Variants in TSPAN9 observed in about 807,000 individuals in gnomAD.
TSPAN9 encodes the protein tetraspanin-9.
In TSPAN9, 16 loss-of-function variants were observed where a neutral mutation model predicts 31.0. That is an observed-to-expected ratio of 0.52 (90% CI 0.35 to 0.78). The LOEUF is 0.78. Ranked by LOEUF, TSPAN9 falls within the 30% of genes least tolerant of loss-of-function variation. The probability of loss-of-function intolerance (pLI) is 0.01; values close to 1 mark genes in which losing one functional copy is unlikely to be tolerated. For synonymous variants in TSPAN9, 145 were observed against 121.6 expected (o/e 1.19, Z -1.27); for missense variants, 272 against 312.5 (o/e 0.87, Z 0.98).
chr12:3,118,256 GTTTTTTTTTTT>G (rs72307230), intron 2 of TSPAN9, among the ~76,000 whole-genome samples: 6 of 31,582 alleles, frequency 1.9e-4, no homozygotes, highest in African/African-American at 3.5e-4. Flanking sequence ...TGCACCCGCC[GTTTTTTTTTTT>G]TTTTTTTTTT....
chr12:3,116,298 A>T (rs1463005256), intron 2 of TSPAN9, among the ~76,000 whole-genome samples: 4 of 152,174 alleles, frequency 2.6e-5, no homozygotes, highest in African/African-American at 9.7e-5. Context: ...TGCTGCCTGG[A>T]CATTTGACCT....
intron 2 of TSPAN9, among the ~76,000 whole-genome samples, chr12:3,141,381 C>T (rs59604046): frequency 2.1e-4 from 32 of 152,270 alleles, no homozygotes; most frequent in African/African-American, 7.2e-4. Context: ...GTCTCCCAGC[C>T]TGGTGGTGAT....
intron 2 of TSPAN9, among the ~76,000 whole-genome samples, chr12:3,160,326 GT>G (rs1223550139): frequency 6.6e-6 from 1 of 152,098 alleles, no homozygotes; most frequent in East Asian, 1.9e-4. Flanking sequence ...GGTATGCTAC[GT>G]TTTGTTTATC....
At chr12:3,139,948 C>T (rs568043688) in intron 2 of TSPAN9, among the ~76,000 whole-genome samples, 16 of 152,354 alleles carry the variant, frequency 1.1e-4, no homozygotes, top group African/African-American at 3.8e-4. Context: ...TCCCCAGGAG[C>T]ATGGCAACCA....
At chr12:3,206,925 G>A (rs192352916) in intron 3 of TSPAN9, among the ~76,000 whole-genome samples, 5 of 152,300 alleles carry the variant, frequency 3.3e-5, no homozygotes, top group Non-Finnish European at 7.4e-5. Flanking sequence ...AGGGTCCAGG[G>A]CAGGGAGAAG....
In TSPAN9 at chr12:3,248,353, G is replaced by T. The variant is rs534906745; in HGVS notation, c.64-30068G>T. ...GTGAGGGCTGCAGAGGACCACTGGG[G>T]TGTAGCCCTTTCTTGGGGCTGCTGC... On this transcript the variant is annotated intron_variant, in intron 3 of 8. Coordinates refer to ENST00000011898, the MANE Select transcript of TSPAN9 (RefSeq NM_006675.5). Among the ~76,000 whole-genome samples the T allele has an allele frequency of 3.3e-5, 5 of 152,320 alleles. No homozygotes were observed. The South Asian group carries it at 1.0e-3, about 32-fold the overall frequency.
intron 3 of TSPAN9, among the ~76,000 whole-genome samples, chr12:3,251,078 C>T (rs1862237062): frequency 6.6e-6 from 1 of 152,200 alleles, no homozygotes; most frequent in Non-Finnish European, 1.5e-5. Context: ...CTAGTACTAC[C>T]CTCTCCCCAG....
Position 3,283,256 on chromosome 12 carries a change from C to T in TSPAN9, c.*140C>T, listed in dbSNP as rs1862936455. 2.4e-6 allele frequency: 2 copies of T among 849,852 alleles called. No homozygotes were observed. Among genetic ancestry groups the T allele is most frequent in the Middle Eastern group, 2.3e-4 (1 of 4,274 alleles). 52.6% of individuals were successfully genotyped at this position (849,852 alleles called of 1,614,324 possible). On this transcript the variant is annotated 3_prime_UTR_variant, in exon 9 of 9. Transcript: ENST00000011898. ...GCCTGCCCTACCCCACCTACCCTGC[C>T]TCAGCCTCGGACTTCTCAGTGGGTG...
At position 3,281,853 on chromosome 12, in the gene TSPAN9, G is replaced by A. The variant is rs759336191; in HGVS notation, c.648+36G>A. 3.7e-6 allele frequency: 6 copies of A among 1,608,482 alleles called. No individual in the cohort carries two copies. In the East Asian group the frequency reaches 1.1e-4, roughly 30 times the overall value. ...CGTCCCCAGCAGCCTCACCCACCCT[G>A]CTGGCCTCAGCCTCAGAGGGAAGGA... On this transcript the variant is annotated intron_variant, in intron 8 of 8. Coordinates refer to ENST00000011898, the MANE Select transcript of TSPAN9 (RefSeq NM_006675.5).
At chr12:3,190,455 AGTGT>A (rs2098363756) in intron 2 of TSPAN9, among the ~76,000 whole-genome samples, 1 of 152,350 alleles carries the variant, frequency 6.6e-6, no homozygotes, top group East Asian at 1.9e-4. Context: ...CAGTGGGCTC[AGTGT>A]GTGCATATGT....
At chr12:3,249,067 A>G (rs1026127188) in intron 3 of TSPAN9, among the ~76,000 whole-genome samples, 2 of 152,086 alleles carry the variant, frequency 1.3e-5, no homozygotes, top group African/African-American at 4.8e-5. Flanking sequence ...CCCTGTCCCT[A>G]GTTCCTCTTA....
chr12:3,217,059 T>C (rs1449186929), intron 3 of TSPAN9, among the ~76,000 whole-genome samples: 1 of 152,266 alleles, frequency 6.6e-6, no homozygotes, highest in African/African-American at 2.4e-5. Context: ...GGGCAGCCTG[T>C]TGCCCGGCTG....
intron 2 of TSPAN9, among the ~76,000 whole-genome samples, chr12:3,194,336 C>G (rs1311395346): frequency 6.6e-6 from 1 of 152,186 alleles, no homozygotes; most frequent in Non-Finnish European, 1.5e-5. Context: ...CCTGGCCACC[C>G]TTTGTGTCCC....
intron 3 of TSPAN9, 138 bp from the exon 4 acceptor site, chr12:3,278,283 A>G (rs571206): frequency 0.39 from 487,668 of 1,243,706 alleles, 97,098 homozygotes; most frequent in Middle Eastern, 0.53. Flanking sequence ...TCTGCAGCCC[A>G]ACGGTAGTCC....
intron 3 of TSPAN9, chr12:3,215,187 A>C (rs1202489223): frequency 6.6e-6 from 1 of 152,202 alleles, no homozygotes; most frequent in Admixed American, 6.5e-5. Flanking sequence ...TGGTTGTGAG[A>C]ATCCAAACCA....
intron 2 of TSPAN9, among the ~76,000 whole-genome samples, chr12:3,129,320 G>A (rs2098328741): frequency 6.6e-6 from 1 of 152,180 alleles, no homozygotes; most frequent in Non-Finnish European, 1.5e-5. Context: ...ATGGATGCAC[G>A]TGTTAGTAAT....
chr12:3,227,950 C>T (rs2098388738), intron 3 of TSPAN9, among the ~76,000 whole-genome samples: 1 of 152,158 alleles, frequency 6.6e-6, no homozygotes, highest in Non-Finnish European at 1.5e-5. Flanking sequence ...ATATACGTCT[C>T]TCATTTGGTC....
chr12:3,093,420 C>T (rs2098305949), intron 2 of TSPAN9, among the ~76,000 whole-genome samples: 2 of 152,200 alleles, frequency 1.3e-5, no homozygotes, highest in African/African-American at 2.4e-5. Context: ...TCCAGCTCAC[C>T]CATAAAAGCT....
chr12:3,244,073 G>A (rs554705111), intron 3 of TSPAN9, among the ~76,000 whole-genome samples: 1 of 152,290 alleles, frequency 6.6e-6, no homozygotes, highest in African/African-American at 2.4e-5. Context: ...TTAGGAGCAG[G>A]GCCTGTCTGG....
Sources: gnomAD v4.1 joint callset for allele counts (sites outside exome capture counted in the v4.1 genomes callset) on GRCh38, gnomAD v4.1.1 for gene constraint, MANE v1.5 for transcripts, NCBI Gene and HGNC (gene_info 2026-07-23, HGNC 2026-07-21) for gene names.